Variants in USP37 observed in about 807,000 individuals in gnomAD.
USP37 encodes the protein ubiquitin specific peptidase 37, also known as ubiquitin carboxyl-terminal hydrolase 37.
Under a neutral mutation model 124.0 loss-of-function variants are expected in USP37, and 27 were observed. The ratio of observed to expected loss-of-function variants is 0.22; its 90% CI spans 0.16 to 0.30. The LOEUF (loss-of-function observed/expected upper bound fraction) is 0.30. Among genes scored for constraint, USP37 ranks in the 10% least tolerant of loss-of-function variants. The probability of loss-of-function intolerance (pLI) is 1.00; values close to 1 mark genes in which losing one functional copy is unlikely to be tolerated. For synonymous variants in USP37, 365 were observed against 388.0 expected, an observed-to-expected ratio of 0.94 and a Z score of 0.70; for missense variants, 889 against 1,140.4, an observed-to-expected ratio of 0.78 and a Z score of 3.17.
chr2:218,535,445 G>A (rs1306224871), intron 8 of USP37, among the ~76,000 whole-genome samples: 1 of 151,872 alleles, frequency 6.6e-6, no homozygotes. Flanking sequence ...GGGCGCGGTG[G>A]CTCAAGCCTT....
intron 6 of USP37, among the ~76,000 whole-genome samples, chr2:218,549,323 C>T (rs1046112432): frequency 1.3e-5 from 2 of 152,086 alleles, no homozygotes; most frequent in African/African-American, 2.4e-5. Context: ...AAGTGATCAC[C>T]TCTTTGCACA....
chr2:218,526,623 G>A (rs1030286798), intron 10 of USP37, among the ~76,000 whole-genome samples: 4 of 151,822 alleles, frequency 2.6e-5, no homozygotes, highest in African/African-American at 4.8e-5. Context: ...TTGTTGTTTG[G>A]TATTTTTTGA....
chr2:218,490,356 T>G (rs1359080516), intron 14 of USP37, among the ~76,000 whole-genome samples: 2 of 152,084 alleles, frequency 1.3e-5, no homozygotes, highest in African/African-American at 4.8e-5. Context: ...AAATAAATAA[T>G]CTACATGTTC....
Position 218,482,204 on chromosome 2 carries a change from G to A in USP37, c.1701C>T (p.Ser567=), listed in dbSNP as rs921686415. The A allele has an allele frequency of 1.2e-6, 2 of 1,613,202 alleles. No homozygotes were observed. The highest frequency in any genetic ancestry group is 1.7e-6 in the Non-Finnish European group (2 of 1,179,472). Reference sequence around the variant, plus strand: ...TGTTAAGCGAGAGAGCCACATTGAAGCTATATCGTTTCAAATGGAGAATGA... The same window carrying A: ...TGTTAAGCGAGAGAGCCACATTGAAACTATATCGTTTCAAATGGAGAATGA... The part of the protein sequence containing the change: ...RVLILHLKRY[S]FNVALSLNNK... The change falls in exon 17 of 26, where the codon AGC becomes AGT. Residue 567 remains serine (S), a synonymous_variant. Transcript: ENST00000258399.
At chr2:218,524,609 G>GTTATT (rs549500810) in intron 10 of USP37, among the ~76,000 whole-genome samples, 2 of 152,148 alleles carry the variant, frequency 1.3e-5, no homozygotes, top group African/African-American at 4.8e-5. Context: ...CTGGAAGGAT[G>GTTATT]TTATTTTATT....
intron 10 of USP37, among the ~76,000 whole-genome samples, chr2:218,512,577 T>C (rs1244975182): frequency 6.6e-6 from 1 of 152,128 alleles, no homozygotes; most frequent in African/African-American, 2.4e-5. Flanking sequence ...GAAAAGTGTA[T>C]AAAAATCAAA....
intron 11 of USP37, among the ~76,000 whole-genome samples, chr2:218,507,939 T>C (rs1029771267): frequency 1.3e-5 from 2 of 152,324 alleles, no homozygotes; most frequent in African/African-American, 4.8e-5. Context: ...TTTATGTTTC[T>C]GGGAGTGATT....
At chr2:218,562,278 C>T (rs1415618299) in intron 2 of USP37, among the ~76,000 whole-genome samples, 1 of 152,112 alleles carries the variant, frequency 6.6e-6, no homozygotes, top group African/African-American at 2.4e-5. Context: ...AAGACAAAGA[C>T]AGGGTTTCCT....
rs114808803 is a variant in USP37 at position 218,496,796 on chromosome 2, G to A, written c.1282-846C>T. Among the ~76,000 whole-genome samples, 974 of 152,052 alleles carry A rather than the reference G, an allele frequency of 6.4e-3. 10 individuals carry two copies. Among genetic ancestry groups the A allele is most frequent in the African/African-American group, 0.023 (935 of 41,478 alleles). On this transcript the variant is annotated intron_variant, in intron 13 of 25. Coordinates refer to ENST00000258399, the MANE Select transcript of USP37 (RefSeq NM_020935.3). Reference sequence around the variant, plus strand: ...CCCAAGTAGCTGGGATTACAGACATGCGACATCACGCCTGGCTAATTTTTT... The same window carrying A: ...CCCAAGTAGCTGGGATTACAGACATACGACATCACGCCTGGCTAATTTTTT...
chr2:218,567,173 CA>C (rs1016325143), intron 1 of USP37, among the ~76,000 whole-genome samples: 1 of 152,134 alleles, frequency 6.6e-6, no homozygotes, highest in Non-Finnish European at 1.5e-5. Flanking sequence ...TTTACTTCAT[CA>C]AACATCTTTA....
At chr2:218,503,342 A>T (rs1231547844) in intron 11 of USP37, among the ~76,000 whole-genome samples, 1 of 152,272 alleles carries the variant, frequency 6.6e-6, no homozygotes, top group East Asian at 1.9e-4. Flanking sequence ...AATACACTTT[A>T]AATAGGTAAC....
At chr2:218,456,781 C>T (rs1689721639) in intron 24 of USP37, among the ~76,000 whole-genome samples, 1 of 151,982 alleles carries the variant, frequency 6.6e-6, no homozygotes, top group South Asian at 2.1e-4. Context: ...ACCAGCCTGG[C>T]CAATATGGTG....
chr2:218,549,980 T>C, intron 5 of USP37, 71 bp from the exon 6 acceptor site: 5 of 1,166,240 alleles, frequency 4.3e-6, no homozygotes, highest in Non-Finnish European at 5.9e-6. Context: ...TTTATCATTA[T>C]TATTTTTATA....
In USP37 at chr2:218,453,423, G is replaced by A. The variant is rs1161275790; in HGVS notation, c.*1507C>T. 2.0e-5 allele frequency: 3 copies of A among 151,766 alleles called. No individual in the cohort carries two copies. Among genetic ancestry groups the A allele is most frequent in the Non-Finnish European group, 4.4e-5 (3 of 67,950 alleles). The allele number at this position is 151,766 out of a possible 1,614,324, so 9.4% of individuals were successfully genotyped here. The stretch of plus-strand genomic sequence containing the variant: ...TTTTTTCCTTCTGAAAACCTGATGT[G>A]GTTTTGTCCCTACCTCTGAGAACTA... On this transcript the variant is annotated 3_prime_UTR_variant, in exon 26 of 26. Transcript: ENST00000258399.
At chr2:218,500,536 C>T (rs539687114) in intron 11 of USP37, among the ~76,000 whole-genome samples, 5 of 152,042 alleles carry the variant, frequency 3.3e-5, no homozygotes, top group East Asian at 1.9e-4. Context: ...CATGAGCCAC[C>T]GTGCCCAGCC....
At chr2:218,455,469 T>A in intron 25 of USP37, 111 bp downstream of exon 25, 1 of 1,451,542 alleles carries the variant, frequency 6.9e-7, no homozygotes, top group Non-Finnish European at 9.1e-7. Context: ...AAACCAAAAA[T>A]TTTCAACCAA....
chr2:218,535,793 T>G (rs1412474620), intron 8 of USP37, among the ~76,000 whole-genome samples: 1 of 150,946 alleles, frequency 6.6e-6, no homozygotes, highest in East Asian at 1.9e-4. Flanking sequence ...AGGCGGAGCT[T>G]GCAGTGAGCC....
At position 218,459,875 on chromosome 2, in the gene USP37, C is replaced by A; in HGVS notation, c.2558G>T (p.Gly853Val). 6.2e-7 allele frequency: 1 copy of A among 1,613,656 alleles called. No homozygotes were observed. Among genetic ancestry groups the A allele is most frequent in the South Asian group, 1.1e-5 (1 of 91,062 alleles). Residue 853 changes from glycine (G) to valine (V), a missense_variant, in exon 23 of 26, where the codon GGT (glycine) becomes GTT (valine). Coordinates refer to ENST00000258399, the MANE Select transcript of USP37 (RefSeq NM_020935.3). Reference sequence around the variant, plus strand: ...CTCATTTCCAGAGTCCTCATCAGAACCCAATGCATCCACAAAGGAGTTGTT... The same window carrying A: ...CTCATTTCCAGAGTCCTCATCAGAAACCAATGCATCCACAAAGGAGTTGTT... ...EFNNSFVDAL[G>V]SDEDSGNEDV... is the part of the protein sequence containing the mutation.
At chr2:218,455,062 C>T in intron 25 of USP37, 45 bp from the exon 26 acceptor site, 1 of 1,607,994 alleles carries the variant, frequency 6.2e-7, no homozygotes. Flanking sequence ...ATTTAGTAAG[C>T]AGAACCAAAG....
Sources: allele counts gnomAD v4.1 joint callset (sites outside exome capture counted in the v4.1 genomes callset), GRCh38; gene constraint gnomAD v4.1.1; transcripts MANE v1.5; gene names NCBI Gene and HGNC (gene_info 2026-07-23, HGNC 2026-07-21).